Variants in DSP observed in about 807,000 individuals in gnomAD.
DSP encodes 250/210 kDa paraneoplastic pemphigus antigen.
A neutral mutation model predicts 290.6 loss-of-function variants in DSP; 114 were observed. The ratio of observed to expected loss-of-function variants is 0.39; its 90% CI spans 0.34 to 0.46. The LOEUF is 0.46. Ranked by LOEUF, DSP falls within the 20% of genes least tolerant of loss-of-function variation. The pLI is 0.99. For missense variants in DSP, 3,230 were observed against 3,495.8 expected, an observed-to-expected ratio of 0.92 and a Z score of 1.92; for synonymous variants, 1,311 against 1,316.4, an observed-to-expected ratio of 1.00 and a Z score of 0.09.
rs1017373446 is a variant in DSP, at chr6:7,586,163, G to A, written c.*285G>A. ...TTAGGATTTGTTTCTTCTCTTCTGTGTTTCGATTTTTGATCAATTCTTTAA... is the reference window on the plus strand; with the variant it reads ...TTAGGATTTGTTTCTTCTCTTCTGTATTTCGATTTTTGATCAATTCTTTAA... On this transcript the variant is annotated 3_prime_UTR_variant, in exon 24 of 24. Coordinates refer to ENST00000379802, the MANE Select transcript of DSP (RefSeq NM_004415.4). The A allele has an allele frequency of 3.1e-6, 1 of 321,934 alleles. No homozygotes were observed. The highest frequency in any genetic ancestry group is 5.7e-6 in the Non-Finnish European group (1 of 176,190). The allele number at this position is 321,934 out of a possible 1,614,324, so 19.9% of individuals were successfully genotyped here.
In DSP at chr6:7,585,494, G is replaced by A. The variant is rs780253169; in HGVS notation, c.8232G>A (p.Arg2744=). The change falls in exon 24 of 24, where the codon AGG becomes AGA. Residue 2744 remains arginine (R), a synonymous_variant. Coordinates refer to ENST00000379802, the MANE Select transcript of DSP (RefSeq NM_004415.4). Reference sequence around the variant, plus strand: ...TTGTTGACCCGGAAGTGCATGGGAGGATAAGCACCGAAGAAGCCATCCGGA... The same window carrying A: ...TTGTTGACCCGGAAGTGCATGGGAGAATAAGCACCGAAGAAGCCATCCGGA... ...GGLVDPEVHG[R]ISTEEAIRKG... is the part of the protein sequence containing the mutation. The A allele has an allele frequency of 1.2e-6, 2 of 1,614,178 alleles. No homozygotes were observed. Among genetic ancestry groups the A allele is most frequent in the Non-Finnish European group, 8.5e-7 (1 of 1,180,030 alleles).
At chr6:7,554,505 A>G (rs559095875) in intron 1 of DSP, among the ~76,000 whole-genome samples, 1 of 152,312 alleles carries the variant, frequency 6.6e-6, no homozygotes, top group South Asian at 2.1e-4. Flanking sequence ...TTGTAGAGAA[A>G]AATAGGTATT....
intron 1 of DSP, among the ~76,000 whole-genome samples, chr6:7,551,573 T>C (rs1395942400): frequency 1.3e-5 from 2 of 151,626 alleles, no homozygotes; most frequent in African/African-American, 2.4e-5. Flanking sequence ...GAGGTTGCAA[T>C]GAGCTGAGAT....
Position 7,586,033 on chromosome 6 carries a change from G to A in DSP, c.*155G>A, listed in dbSNP as rs773746085. The A allele has an allele frequency of 2.6e-6, 2 of 771,664 alleles. No homozygotes were observed. Among genetic ancestry groups the A allele is most frequent in the Admixed American group, 2.6e-5 (1 of 37,754 alleles). The allele number at this position is 771,664 out of a possible 1,614,324, so 47.8% of individuals were successfully genotyped here. ...GCCATGATTGAAATCAAATAGTAAA[G>A]GCTGTTCTGGCTTTTTATCTTCTTA... is the stretch of plus-strand genomic sequence containing the variant. On this transcript the variant is annotated 3_prime_UTR_variant, in exon 24 of 24. Coordinates refer to ENST00000379802, the MANE Select transcript of DSP (RefSeq NM_004415.4).
intron 15 of DSP, among the ~76,000 whole-genome samples, chr6:7,573,722 A>G (rs1323711761): frequency 6.6e-6 from 1 of 152,202 alleles, no homozygotes; most frequent in Non-Finnish European, 1.5e-5. Flanking sequence ...AGTTGAATGC[A>G]GGGAAACAGA....
Position 7,567,271 on chromosome 6 carries a change from T to C in DSP, c.1045-83T>C, listed in dbSNP as rs1167939666. On this transcript the variant is annotated intron_variant, in intron 8 of 23. Coordinates refer to ENST00000379802, the MANE Select transcript of DSP (RefSeq NM_004415.4). ...TGAGATAAAAACTGCTTACTAGCTT[T>C]CATGCAGGCTCACCTATCTCTTGGT... is the stretch of plus-strand genomic sequence containing the variant. 25 of 1,097,342 alleles carry C rather than the reference T, an allele frequency of 2.3e-5. No individual in the cohort carries two copies. In the African/African-American group the frequency reaches 2.5e-4, roughly 11 times the overall value. The allele number at this position is 1,097,342 out of a possible 1,614,324, so 68.0% of individuals were successfully genotyped here. A position where few individuals can be genotyped will look rare whatever the true frequency, so the allele number is the denominator to read the frequency against.
chr6:7,562,633 C>G lies in DSP; in HGVS notation c.598-19C>G, dbSNP rs759008993. ...AGGGGCAACAACAAAGGGCGCCTCTCTTTGTCTTTGTGTCGCAGGCGGAGA... is the reference window on the plus strand; with the variant it reads ...AGGGGCAACAACAAAGGGCGCCTCTGTTTGTCTTTGTGTCGCAGGCGGAGA... On this transcript the variant is annotated intron_variant, in intron 4 of 23. Coordinates refer to ENST00000379802, the MANE Select transcript of DSP (RefSeq NM_004415.4). 16 of 1,613,888 alleles carry G rather than the reference C, an allele frequency of 9.9e-6. No homozygotes were observed. Among genetic ancestry groups the G allele is most frequent in the Non-Finnish European group, 1.4e-5 (16 of 1,179,964 alleles).
chr6:7,582,867 A>T lies in DSP; in HGVS notation c.5605A>T (p.Thr1869Ser). The T allele has an allele frequency of 6.2e-7, 1 of 1,614,102 alleles. No individual in the cohort carries two copies. The highest frequency in any genetic ancestry group is 8.5e-7 in the Non-Finnish European group (1 of 1,180,026). Residue 1869 changes from threonine (T) to serine (S), a missense_variant, in exon 24 of 24, where the codon ACT becomes TCT. By Grantham distance (58) the Thr-to-Ser change is moderately conservative. Coordinates refer to ENST00000379802, the MANE Select transcript of DSP (RefSeq NM_004415.4). The surrounding 1 kb of genome is among the most constrained non-coding windows in gnomAD (Gnocchi z 4.2). ...QIQNDLNQWK[T>S]QYSRKEEAIR... ...TCAGAATGACCTGAATCAGTGGAAGACTCAATATTCCCGCAAGGAGGAGGC... is the reference window on the plus strand; with the variant it reads ...TCAGAATGACCTGAATCAGTGGAAGTCTCAATATTCCCGCAAGGAGGAGGC...
chr6:7,579,580 C>T lies in DSP; in HGVS notation c.3390C>T (p.Asp1130=). The part of the protein sequence containing the change: ...DEKRRRKSVE[D]RFDQQKNDYD... ...AGAGAAGAAGAAAATCTGTGGAAGA[C>T]AGATTTGACCAACAGAAGAATGACT... Residue 1130 remains aspartate, a synonymous_variant, in exon 23 of 24, where the codon GAC becomes GAT. Coordinates refer to ENST00000379802, the MANE Select transcript of DSP (RefSeq NM_004415.4). The surrounding 1 kb of genome is among the most constrained non-coding windows in gnomAD (Gnocchi z 4.1). The T allele has an allele frequency of 1.9e-6, 3 of 1,613,872 alleles. No homozygotes were observed. The highest frequency in any genetic ancestry group is 2.5e-6 in the Non-Finnish European group (3 of 1,180,004).
rs1331787584 is a variant in DSP, at chr6:7,579,334, C to G, written c.3144C>G (p.Asn1048Lys). The change falls in exon 23 of 24, where the codon AAC becomes AAG. Residue 1048 changes from asparagine (N) to lysine (K), a missense_variant. Physicochemically the swap from Asn to Lys is moderately conservative, Grantham distance 94. Transcript: ENST00000379802. This position sits in a 1 kb window ranked among gnomAD's most constrained non-coding sequence, Gnocchi z 4.1. Reference sequence around the variant, plus strand: ...AGCTCAGACTGGCCCGAGATGCCAACTCGGAAAACTGTAATAAGAACAAAT... The same window carrying G: ...AGCTCAGACTGGCCCGAGATGCCAAGTCGGAAAACTGTAATAAGAACAAAT... ...EEELRLARDA[N>K]SENCNKNKFL... 4 of 1,614,070 alleles carry G rather than the reference C, an allele frequency of 2.5e-6. No individual in the cohort carries two copies. Among genetic ancestry groups the G allele is most frequent in the Non-Finnish European group, 3.4e-6 (4 of 1,180,054 alleles).
chr6:7,581,931 A>G (rs551558816), intron 23 of DSP, among the ~76,000 whole-genome samples: 3 of 152,294 alleles, frequency 2.0e-5, no homozygotes, highest in South Asian at 4.1e-4. Context: ...TTTCTTAAAT[A>G]GAAGCCATAC....
chr6:7,541,865 C>G lies in DSP; in HGVS notation c.-51C>G. ...CCCCCTCCGCTTTCTCCGCGCCGGCCCGCCTCGCTTATGCCTCGGCGCTGA... is the reference window on the plus strand; with the variant it reads ...CCCCCTCCGCTTTCTCCGCGCCGGCGCGCCTCGCTTATGCCTCGGCGCTGA... On this transcript the variant is annotated 5_prime_UTR_variant, in exon 1 of 24. Coordinates refer to ENST00000379802, the MANE Select transcript of DSP (RefSeq NM_004415.4). 1 of 1,567,358 alleles carries G rather than the reference C, an allele frequency of 6.4e-7. No individual in the cohort carries two copies. Among genetic ancestry groups the G allele is most frequent in the Non-Finnish European group, 8.6e-7 (1 of 1,158,470 alleles).
Position 7,585,844 on chromosome 6 carries a change from C to G in DSP, c.8582C>G (p.Ser2861Cys). Residue 2861 changes from serine (S) to cysteine (C), a missense_variant, in exon 24 of 24, where the codon TCC becomes TGC. By Grantham distance (112) the Ser-to-Cys change is moderately radical. Transcript: ENST00000379802. ...ACAGGGAATTCTTCCTACTCTTATT[C>G]CTACTCATTTAGCAGTAGTTCTATT... Reference protein sequence around the residue: ...DATGNSSYSYSYSFSSSSIGH With the variant: ...DATGNSSYSYCYSFSSSSIGH 6.2e-7 allele frequency: 1 copy of G among 1,614,018 alleles called. No individual in the cohort carries two copies. Among genetic ancestry groups the G allele is most frequent in the South Asian group, 1.1e-5 (1 of 91,018 alleles).
Position 7,580,135 on chromosome 6 carries a change from G to A in DSP, c.3945G>A (p.Glu1315=). The A allele has an allele frequency of 6.2e-7, 1 of 1,614,098 alleles. No individual in the cohort carries two copies. Among genetic ancestry groups the A allele is most frequent in the Non-Finnish European group, 8.5e-7 (1 of 1,180,002 alleles). Residue 1315 remains glutamate, a synonymous_variant, in exon 23 of 24, where the codon GAG becomes GAA. Transcript: ENST00000379802. This position sits in a 1 kb window ranked among gnomAD's most constrained non-coding sequence, Gnocchi z 4.2. ...CCCGGCACAAGCAGTCCCTGGAGGA[G>A]GCTGCCAAGACCATTCAGGACAAAA... The part of the protein sequence containing the change: ...DNARHKQSLE[E]AAKTIQDKNK...
At chr6:7,555,667 G>T in intron 1 of DSP, 51 bp from the exon 2 acceptor site, 1 of 1,545,506 alleles carries the variant, frequency 6.5e-7, no homozygotes, top group Non-Finnish European at 8.9e-7. Context: ...AATTATTTCA[G>T]AATTGAAATA....
chr6:7,549,322 T>C (rs930231693), intron 1 of DSP, among the ~76,000 whole-genome samples: 6 of 152,220 alleles, frequency 3.9e-5, no homozygotes, highest in East Asian at 1.9e-4. Context: ...GCTAATTTTG[T>C]ATTTTTAGTA....
At chr6:7,569,080 A>C (rs1187206079) in intron 11 of DSP, 106 bp from the exon 12 acceptor site, 6 of 1,497,498 alleles carry the variant, frequency 4.0e-6, no homozygotes, top group Non-Finnish European at 5.5e-6. Context: ...AAAACGTAAA[A>C]GCTTTAATAA....
Position 7,580,505 on chromosome 6 carries a change from G to A in DSP, c.4315G>A (p.Glu1439Lys). 2 of 1,614,134 alleles carry A rather than the reference G, an allele frequency of 1.2e-6. No individual in the cohort carries two copies. The highest frequency in any genetic ancestry group is 1.1e-5 in the South Asian group (1 of 91,056). ...CCAACAGCAAAAGGCCACTGGCTCT[G>A]AGGTGTCTCAGAGGAAACAGCAGCT... ...DIQQQKATGS[E>K]VSQRKQQLEV... is the part of the protein sequence containing the mutation. Residue 1439 changes from glutamate to lysine, a missense_variant, in exon 23 of 24, where the codon GAG becomes AAG. Transcript: ENST00000379802. This position sits in a 1 kb window ranked among gnomAD's most constrained non-coding sequence, Gnocchi z 4.2.
chr6:7,548,350 C>G (rs377696527), intron 1 of DSP, among the ~76,000 whole-genome samples: 29 of 152,318 alleles, frequency 1.9e-4, no homozygotes, highest in African/African-American at 6.0e-4. Context: ...GTGAGGTCTC[C>G]GCCTCTGCAG....
Sources: allele counts gnomAD v4.1 joint callset (sites outside exome capture counted in the v4.1 genomes callset), GRCh38; gene constraint gnomAD v4.1.1; non-coding constraint Gnocchi (gnomAD v3.1); transcripts MANE v1.5; gene names NCBI Gene and HGNC (gene_info 2026-07-23, HGNC 2026-07-21).